RBM39: variants seen among roughly 807,000 people sequenced by gnomAD.
RBM39 encodes the protein RNA binding motif protein 39.
Under a neutral mutation model 79.6 loss-of-function variants are expected in RBM39, and 12 were observed. The ratio of observed to expected loss-of-function variants is 0.15; its 90% confidence interval spans 0.10 to 0.24. The LOEUF is 0.24. Ranked by LOEUF, RBM39 falls within the 10% of genes least tolerant of loss-of-function variation. The probability of loss-of-function intolerance (pLI) is 1.00; values close to 1 mark genes in which losing one functional copy is unlikely to be tolerated. For synonymous variants in RBM39, 185 were observed against 208.4 expected (o/e 0.89, Z 0.97); for missense variants, 243 against 653.4 (o/e 0.37, Z 6.85).
rs560624216 is a variant in RBM39 at position 35,742,009 on chromosome 20, TGCC to T, written c.-85_-83del. On this transcript the variant is annotated 5_prime_UTR_variant, in exon 1 of 17. Coordinates refer to ENST00000253363, the MANE Select transcript of RBM39 (RefSeq NM_184234.3). Reference sequence around the variant, plus strand: ...AGATTGCTGCTGCTGCTGCTGCTGCTGCCGCCGCCGCCGCTTCTGTTGCTACTG... The same window carrying T: ...AGATTGCTGCTGCTGCTGCTGCTGCTGCCGCCGCCGCTTCTGTTGCTACTG... 87 of 237,822 alleles carry T rather than the reference TGCC, an allele frequency of 3.7e-4. No individual in the cohort carries two copies. Among genetic ancestry groups the T allele is most frequent in the South Asian group, 6.8e-4 (16 of 23,684 alleles). The allele number at this position is 237,822 out of a possible 1,614,324, so 14.7% of individuals were successfully genotyped here. A position where few individuals can be genotyped will look rare whatever the true frequency, so the allele number is the denominator to read the frequency against.
intron 6 of RBM39, 39 bp from the exon 7 acceptor site, chr20:35,725,194 G>A: frequency 3.1e-6 from 4 of 1,280,384 alleles, no homozygotes; most frequent in Non-Finnish European, 4.4e-6. Context: ...TTTCATAACA[G>A]ATTTTAAAAT....
At chr20:35,727,446 T>C (rs531632991) in intron 6 of RBM39, among the ~76,000 whole-genome samples, 102 of 150,848 alleles carry the variant, frequency 6.8e-4, no homozygotes, top group African/African-American at 2.3e-3. Flanking sequence ...TGACAAAATA[T>C]TCCTTGAACC....
intron 8 of RBM39, among the ~76,000 whole-genome samples, chr20:35,722,904 A>C (rs1946043544): frequency 1.3e-5 from 2 of 151,446 alleles, no homozygotes; most frequent in South Asian, 4.2e-4. Context: ...ACTGCACTAC[A>C]GCCTGGGCGA....
At position 35,742,012 on chromosome 20, in the gene RBM39, C is replaced by T. The variant is rs1350204243; in HGVS notation, c.-85G>A. On this transcript the variant is annotated 5_prime_UTR_variant, in exon 1 of 17. Transcript: ENST00000253363. ...TTGCTGCTGCTGCTGCTGCTGCTGC[C>T]GCCGCCGCCGCTTCTGTTGCTACTG... is the stretch of plus-strand genomic sequence containing the variant. 5 of 246,360 alleles carry T rather than the reference C, an allele frequency of 2.0e-5. No individual in the cohort carries two copies. Among genetic ancestry groups the T allele is most frequent in the Non-Finnish European group, 4.1e-5 (5 of 122,804 alleles). 15.3% of individuals were successfully genotyped at this position (246,360 alleles called of 1,614,324 possible).
At chr20:35,729,663 ACTTGTCT>A (rs1464607635) in intron 4 of RBM39, 136 bp from the exon 5 acceptor site, 4 of 745,874 alleles carry the variant, frequency 5.4e-6, no homozygotes, top group Non-Finnish European at 8.7e-6. Context: ...AAACAAAAAT[ACTTGTCT>A]CTTAACTTTA....
At chr20:35,737,912 G>C (rs933490267) in intron 3 of RBM39, among the ~76,000 whole-genome samples, 2 of 149,310 alleles carry the variant, frequency 1.3e-5, no homozygotes, top group Admixed American at 1.3e-4. Flanking sequence ...CCAACACTTT[G>C]GGAGGCCACA....
intron 11 of RBM39, 46 bp downstream of exon 11, chr20:35,714,139 C>A: frequency 6.3e-7 from 1 of 1,577,708 alleles, no homozygotes. Flanking sequence ...TTCTTTTCCA[C>A]TACAATACCC....
chr20:35,741,258 T>G (rs77967975), intron 1 of RBM39, among the ~76,000 whole-genome samples: 12,752 of 151,472 alleles, frequency 0.084, 735 homozygotes, highest in Middle Eastern at 0.15. Flanking sequence ...GGTCTCGAAC[T>G]CCTAACCTCA....
At chr20:35,710,659 T>C (rs555087670) in intron 12 of RBM39, 1 of 152,320 alleles carries the variant, frequency 6.6e-6, no homozygotes, top group South Asian at 2.1e-4. Context: ...TTAAAAGACT[T>C]AGGGGACAAG....
chr20:35,740,411 T>C (rs1237290000), intron 2 of RBM39: 1 of 509,560 alleles, frequency 2.0e-6, no homozygotes, highest in African/African-American at 2.0e-5. Context: ...ACCCCTGCTT[T>C]TTCCCAAACC....
intron 14 of RBM39, 142 bp downstream of exon 14, chr20:35,706,978 G>C (rs190508779): frequency 5.0e-4 from 182 of 365,840 alleles, no homozygotes; most frequent in Admixed American, 2.3e-3. Context: ...AGTAAGCCAA[G>C]ATCGCGCCAT....
chr20:35,726,127 A>T (rs934535414), intron 6 of RBM39, among the ~76,000 whole-genome samples: 11 of 151,862 alleles, frequency 7.2e-5, no homozygotes, highest in African/African-American at 2.4e-4. Flanking sequence ...AAAAAAAGTA[A>T]TTTTTCTTTT....
intron 3 of RBM39, chr20:35,735,093 G>GA (rs745716815): frequency 1.7e-5 from 26 of 1,529,444 alleles, no homozygotes; most frequent in Admixed American, 9.7e-5. Context: ...TGGAAAATAA[G>GA]AAAAAAAATA....
intron 16 of RBM39, 25 bp from the exon 17 acceptor site, chr20:35,704,606 G>T (rs768399465): frequency 1.2e-6 from 2 of 1,609,872 alleles, no homozygotes; most frequent in Non-Finnish European, 8.5e-7. Flanking sequence ...AGACATGTTG[G>T]GTTTAGCATC....
intron 12 of RBM39, among the ~76,000 whole-genome samples, chr20:35,710,126 T>C (rs1164467009): frequency 1.3e-5 from 2 of 152,318 alleles, no homozygotes; most frequent in East Asian, 3.9e-4. Context: ...AAGTTCTTTT[T>C]ATAGAAATAT....
rs181002781 is a variant in RBM39 at position 35,720,943 on chromosome 20, A to C, written c.825+797T>G. On this transcript the variant is annotated intron_variant, in intron 9 of 16. Transcript: ENST00000253363. ...ACTGAGCACATAACCAGGGAGACAG[A>C]GTAATGTCTTTTTAAAGGTAAGGGT... is the stretch of plus-strand genomic sequence containing the variant. Among the ~76,000 whole-genome samples the C allele has an allele frequency of 2.9e-3, 442 of 151,916 alleles. 2 individuals are homozygous for C. The highest frequency in any genetic ancestry group is 0.01 in the African/African-American group (420 of 41,284).
At chr20:35,705,782 C>A (rs1184030632) in intron 14 of RBM39, among the ~76,000 whole-genome samples, 1 of 146,702 alleles carries the variant, frequency 6.8e-6, no homozygotes, top group African/African-American at 2.5e-5. Context: ...TAGGTAACTC[C>A]GTCTCAAAAA....
At chr20:35,718,279 A>G (rs1205940144) in intron 9 of RBM39, among the ~76,000 whole-genome samples, 3 of 143,948 alleles carry the variant, frequency 2.1e-5, no homozygotes, top group Admixed American at 1.4e-4. Context: ...AAACAAAACA[A>G]AACAAAAAAA....
Position 35,742,083 on chromosome 20 carries a change from G to T in RBM39, c.-156C>A. The T allele has an allele frequency of 5.9e-6, 1 of 168,448 alleles. No homozygotes were observed. Among genetic ancestry groups the T allele is most frequent in the Non-Finnish European group, 1.3e-5 (1 of 76,172 alleles). 10.4% of individuals were successfully genotyped at this position (168,448 alleles called of 1,614,324 possible). Reference sequence around the variant, plus strand: ...CGCGGAACCGCCCAGCCCGAATATCGGGTTCCAAGGACGGCTAGGCCCGAG... The same window carrying T: ...CGCGGAACCGCCCAGCCCGAATATCTGGTTCCAAGGACGGCTAGGCCCGAG... On this transcript the variant is annotated 5_prime_UTR_variant, in exon 1 of 17. Transcript: ENST00000253363.
Sources: allele counts gnomAD v4.1 joint callset (sites outside exome capture counted in the v4.1 genomes callset), GRCh38; gene constraint gnomAD v4.1.1; transcripts MANE v1.5; gene names NCBI Gene and HGNC (gene_info 2026-07-23, HGNC 2026-07-21).